The following CHAF1A variants were observed in gnomAD, a reference collection of about 807,000 sequenced individuals.
CHAF1A encodes chromatin assembly factor 1 subunit A, also known as CAF-1 subunit A.
Under a neutral mutation model 93.2 loss-of-function variants are expected in CHAF1A, and 5 were observed. That is an observed-to-expected ratio of 0.05 (90% confidence interval 0.03 to 0.11). The LOEUF (loss-of-function observed/expected upper bound fraction) is 0.11. CHAF1A is among the 10% of genes least tolerant of loss of function. CHAF1A has a pLI of 1.00. For synonymous variants in CHAF1A, 504 were observed against 510.3 expected, an observed-to-expected ratio of 0.99 and a Z score of 0.17; for missense variants, 1,102 against 1,259.9, an observed-to-expected ratio of 0.87 and a Z score of 1.90.
At chr19:4,427,748 C>T (rs549601650) in intron 7 of CHAF1A, among the ~76,000 whole-genome samples, 4 of 152,298 alleles carry the variant, frequency 2.6e-5, no homozygotes, top group East Asian at 1.9e-4. Flanking sequence ...CCACCGTGCC[C>T]GGCTAATTTT....
chr19:4,446,166 C>T (rs572612568), downstream of CHAF1A: 21 of 1,608,282 alleles, frequency 1.3e-5, no homozygotes, highest in East Asian at 6.7e-5. Flanking sequence ...ACCCGTACAC[C>T]GCCCCCAGCC....
intron 13 of CHAF1A, among the ~76,000 whole-genome samples, chr19:4,436,892 G>A (rs1974293697): frequency 6.6e-6 from 1 of 152,192 alleles, no homozygotes; most frequent in South Asian, 2.1e-4. Context: ...CATGTGCCCA[G>A]CACCACATCA....
In CHAF1A at chr19:4,432,191, G is replaced by C. The variant is rs1277743705; in HGVS notation, c.2187G>C (p.Glu729Asp). 6.2e-7 allele frequency: 1 copy of C among 1,607,682 alleles called. No homozygotes were observed. Among genetic ancestry groups the C allele is most frequent in the Admixed American group, 1.7e-5 (1 of 59,874 alleles). ...EEQTPKASKR[E>D]RRDEQILAQL... ...AGACGCCCAAGGCCTCCAAGCGGGA[G>C]AGGAGAGACGAGCAGAGTGAGTGTG... is the stretch of plus-strand genomic sequence containing the variant. Residue 729 changes from glutamate (E) to aspartate (D), a missense_variant, in exon 12 of 15, where the codon GAG becomes GAC. By Grantham distance (45) the Glu-to-Asp change is conservative. Transcript: ENST00000301280.
downstream of CHAF1A, chr19:4,446,285 T>C: frequency 1.1e-5 from 17 of 1,572,958 alleles, no homozygotes; most frequent in Non-Finnish European, 1.5e-5. Context: ...GTGCCCACCC[T>C]GCAGGAGGCA....
At chr19:4,447,004 C>T, downstream of CHAF1A, 1 of 1,370,958 alleles carries the variant, frequency 7.3e-7, no homozygotes, top group East Asian at 2.5e-5. Flanking sequence ...GGGCCCGGCT[C>T]TCGCTATTGG....
chr19:4,411,861 C>T (rs535203350), intron 3 of CHAF1A, among the ~76,000 whole-genome samples: 1 of 151,964 alleles, frequency 6.6e-6, no homozygotes, highest in East Asian at 2.0e-4. Context: ...GTTGGCCAGG[C>T]TGGCCTCAAA....
At chr19:4,414,888 C>A (rs979670696) in intron 3 of CHAF1A, among the ~76,000 whole-genome samples, 2 of 152,192 alleles carry the variant, frequency 1.3e-5, no homozygotes, top group African/African-American at 4.8e-5. Context: ...TCTTTTCCCC[C>A]CTGCCTCCGC....
chr19:4,429,024 C>T (rs148041261), intron 8 of CHAF1A, 134 bp downstream of exon 8: 24 of 685,838 alleles, frequency 3.5e-5, no homozygotes, highest in East Asian at 2.4e-4. Flanking sequence ...CCCTGGGCTT[C>T]GGTGCTGGCT....
downstream of CHAF1A, chr19:4,447,147 C>T (rs1225175531): frequency 6.7e-6 from 4 of 598,438 alleles, no homozygotes; most frequent in East Asian, 5.5e-5. Context: ...CAACCAGGCA[C>T]GAAGAGTGAG....
rs1973813704 is a variant in CHAF1A at position 4,411,976 on chromosome 19, G to C, written c.960+2217G>C. ...TACTTTGTTTTATATGTGCTGGTTT[G>C]TTATATAGGTAAACTCTTGTCGTGG... On this transcript the variant is annotated intron_variant, in intron 3 of 14. Coordinates refer to ENST00000301280, the MANE Select transcript of CHAF1A (RefSeq NM_005483.3). Among the ~76,000 whole-genome samples, 3 of 152,068 alleles carry C rather than the reference G, an allele frequency of 2.0e-5. 1 individual carries two copies. In the South Asian group the frequency reaches 6.2e-4, roughly 32 times the overall value.
intron 13 of CHAF1A, among the ~76,000 whole-genome samples, chr19:4,440,843 G>C (rs1283460237): frequency 6.6e-6 from 1 of 152,158 alleles, no homozygotes; most frequent in Non-Finnish European, 1.5e-5. Flanking sequence ...GCAGAGGCCA[G>C]GTGCGGTGGC....
At position 4,430,553 on chromosome 19, in the gene CHAF1A, A is replaced by T; in HGVS notation, c.1859A>T (p.Asp620Val). 2 of 1,565,804 alleles carry T rather than the reference A, an allele frequency of 1.3e-6. No individual in the cohort carries two copies. Among genetic ancestry groups the T allele is most frequent in the Non-Finnish European group, 1.8e-6 (2 of 1,136,298 alleles). Residue 620 changes from aspartate to valine, a missense_variant, in exon 11 of 15, where the codon GAT becomes GTT. Physicochemically the swap from Asp to Val is radical, Grantham distance 152. Transcript: ENST00000301280. ...TTTTTTTTTTCTCCTTTTGAGGATG[A>T]TGATGACGACATGGGAGAGGATGAA... ...GESLSHSEGDDDDDMGEDEDE... is the reference protein window; with the variant it reads ...GESLSHSEGDVDDDMGEDEDE...
downstream of CHAF1A, among the ~76,000 whole-genome samples, chr19:4,444,284 C>T (rs1974455136): frequency 6.6e-6 from 1 of 152,194 alleles, no homozygotes; most frequent in Non-Finnish European, 1.5e-5. Context: ...TGCAGACCTG[C>T]ATCCCCAAGT....
Position 4,408,918 on chromosome 19 carries a change from A to T in CHAF1A, c.119A>T (p.Lys40Met). The change falls in exon 3 of 15, where the codon AAG (lysine) becomes ATG (methionine). Residue 40 changes from lysine (K) to methionine (M), a missense_variant. Physicochemically the swap from Lys to Met is moderately conservative, Grantham distance 95. Around this residue, in one of 6 missense-constraint regions of CHAF1A, gnomAD observed 28 missense variants for 56.5 expected, o/e 0.50. Transcript: ENST00000301280. Reference sequence around the variant, plus strand: ...TTTGTTTCAGCCCGTCTGCCGTTTAAGCGCCTGAATCTTGTCCCAAAGGGG... The same window carrying T: ...TTTGTTTCAGCCCGTCTGCCGTTTATGCGCCTGAATCTTGTCCCAAAGGGG... ...KKLIQARLPFKRLNLVPKGKA... is the reference protein window; with the variant it reads ...KKLIQARLPFMRLNLVPKGKA... 6.2e-7 allele frequency: 1 copy of T among 1,604,168 alleles called. No individual in the cohort carries two copies. The highest frequency in any genetic ancestry group is 8.5e-7 in the Non-Finnish European group (1 of 1,176,836).
At chr19:4,445,586 GC>G (rs1184070957), downstream of CHAF1A, 3 of 1,613,602 alleles carry the variant, frequency 1.9e-6, no homozygotes, top group African/African-American at 2.7e-5. Flanking sequence ...CTCCAGCACA[GC>G]CATGTCCCAC....
rs2145070092 is a variant in CHAF1A at position 4,409,419 on chromosome 19, G to T, written c.620G>T (p.Cys207Phe). 6.2e-7 allele frequency: 1 copy of T among 1,614,176 alleles called. No individual in the cohort carries two copies. Among genetic ancestry groups the T allele is most frequent in the Non-Finnish European group, 8.5e-7 (1 of 1,180,042 alleles). ...TCCCAGGAATGTTCGCCACGGAGCT[G>T]CCCGGAGCTGACGAGTGGCCCGAGA... The part of the protein sequence containing the change: ...GDSQECSPRS[C>F]PELTSGPRMC... The change falls in exon 3 of 15, where the codon TGC becomes TTC. Residue 207 changes from cysteine to phenylalanine, a missense_variant. Physicochemically the swap from Cys to Phe is radical, Grantham distance 205 (BLOSUM62 -2). Coordinates refer to ENST00000301280, the MANE Select transcript of CHAF1A (RefSeq NM_005483.3).
At chr19:4,403,028 T>C (rs1973613325) in intron 1 of CHAF1A, among the ~76,000 whole-genome samples, 1 of 152,244 alleles carries the variant, frequency 6.6e-6, no homozygotes, top group South Asian at 2.1e-4. Context: ...CCATATTGTT[T>C]GTTTCCGGCG....
In CHAF1A at chr19:4,442,337, T is replaced by C. The variant is rs1354730039; in HGVS notation, c.2766T>C (p.Ala922=). 7 of 1,594,566 alleles carry C rather than the reference T, an allele frequency of 4.4e-6. No individual in the cohort carries two copies. Among genetic ancestry groups the C allele is most frequent in the Non-Finnish European group, 5.1e-6 (6 of 1,169,316 alleles). Residue 922 remains alanine (A), a synonymous_variant, in exon 14 of 15, where the codon GCT becomes GCC. Transcript: ENST00000301280. ...GDCMIVDVPD[A]AEVQAPCGAA... is the part of the protein sequence containing the mutation. ...GTATGATCGTGGATGTCCCGGATGC[T>C]GCGGGTGAGAAGGGCTGTAGATAGC... is the stretch of plus-strand genomic sequence containing the variant.
chr19:4,417,704 G>T (rs1288169053), intron 3 of CHAF1A, among the ~76,000 whole-genome samples: 1 of 151,908 alleles, frequency 6.6e-6, no homozygotes, highest in African/African-American at 2.4e-5. Flanking sequence ...CAGGTGATCT[G>T]TCTGCCTCGG....
Sources: allele counts gnomAD v4.1 joint callset (sites outside exome capture counted in the v4.1 genomes callset), GRCh38; gene constraint gnomAD v4.1.1; regional missense constraint gnomAD v4.1.1; transcripts MANE v1.5; gene names NCBI Gene and HGNC (gene_info 2026-07-23, HGNC 2026-07-21).